CLSTN2: variants seen among roughly 807,000 people sequenced by gnomAD.
CLSTN2 encodes the protein calsyntenin 2, also known as calsyntenin-2.
A neutral mutation model predicts 101.2 loss-of-function variants in CLSTN2; 48 were observed. The ratio of observed to expected loss-of-function variants is 0.47; its 90% CI spans 0.38 to 0.60. CLSTN2 has a LOEUF of 0.60. Among genes scored for constraint, CLSTN2 ranks in the 20% least tolerant of loss-of-function variants. The pLI, the probability that CLSTN2 is intolerant of heterozygous loss-of-function variation, is 0.00. For synonymous variants in CLSTN2, 481 were observed against 463.6 expected (o/e 1.04, Z -0.48); for missense variants, 1,160 against 1,238.2 (o/e 0.94, Z 0.95).
At chr3:139,984,766 A>G (rs977043937) in intron 1 of CLSTN2, among the ~76,000 whole-genome samples, 19 of 152,160 alleles carry the variant, frequency 1.2e-4, no homozygotes, top group African/African-American at 4.1e-4. Context: ...CTATAAGATG[A>G]AAGTTTCCAA....
chr3:140,458,954 T>C (rs1933486621), intron 6 of CLSTN2, among the ~76,000 whole-genome samples: 1 of 152,214 alleles, frequency 6.6e-6, no homozygotes, highest in African/African-American at 2.4e-5. Context: ...TCAACAAATA[T>C]TTGTAAAAAA....
intron 2 of CLSTN2, among the ~76,000 whole-genome samples, chr3:140,361,360 A>G (rs1430248591): frequency 2.6e-5 from 4 of 152,208 alleles, no homozygotes; most frequent in South Asian, 2.1e-4. Context: ...TTAACAAAAA[A>G]TGTACAGCTA....
intron 1 of CLSTN2, among the ~76,000 whole-genome samples, chr3:140,026,209 G>C (rs1015985885): frequency 2.0e-5 from 3 of 152,224 alleles, no homozygotes; most frequent in Admixed American, 6.5e-5. Flanking sequence ...GACTATTAAA[G>C]TGTTTTCTGA....
At position 140,532,342 on chromosome 3, in the gene CLSTN2, C is replaced by A; in HGVS notation, c.1363C>A (p.His455Asn). 6.3e-7 allele frequency: 1 copy of A among 1,598,160 alleles called. No homozygotes were observed. Among genetic ancestry groups the A allele is most frequent in the Non-Finnish European group, 8.5e-7 (1 of 1,171,234 alleles). Reference sequence around the variant, plus strand: ...TTCTTAGATTTGTGACAAAGAGTGGCACTACTATGTCATCAATGTGGAGTT... The same window carrying A: ...TTCTTAGATTTGTGACAAAGAGTGGAACTACTATGTCATCAATGTGGAGTT... ...KLDQICDKEW[H>N]YYVINVEFPV... The change falls in exon 9 of 17, where the codon CAC (histidine) becomes AAC (asparagine). Residue 455 changes from histidine (H) to asparagine (N), a missense_variant. Coordinates refer to ENST00000458420, the MANE Select transcript of CLSTN2 (RefSeq NM_022131.3).
At chr3:140,563,855 G>A in intron 15 of CLSTN2, 106 bp from the exon 16 acceptor site, 1 of 1,125,826 alleles carries the variant, frequency 8.9e-7, no homozygotes, top group South Asian at 1.4e-5. Flanking sequence ...GCTGGGAAGT[G>A]GTAGGGCAGA....
At chr3:140,086,163 A>G (rs1031824053) in intron 1 of CLSTN2, among the ~76,000 whole-genome samples, 23 of 152,334 alleles carry the variant, frequency 1.5e-4, no homozygotes, top group African/African-American at 5.3e-4. Context: ...GATAATGCTA[A>G]CAGATTAGGT....
intron 2 of CLSTN2, among the ~76,000 whole-genome samples, chr3:140,201,844 T>C (rs988547472): frequency 3.3e-5 from 5 of 151,456 alleles, no homozygotes; most frequent in African/African-American, 1.2e-4. Context: ...GTATATATAA[T>C]GATATATAAT....
intron 2 of CLSTN2, among the ~76,000 whole-genome samples, chr3:140,228,038 C>A (rs1380904399): frequency 2.6e-5 from 4 of 152,226 alleles, no homozygotes; most frequent in Non-Finnish European, 4.4e-5. Context: ...TGGGGATTAA[C>A]ATTTGTCTCC....
intron 2 of CLSTN2, among the ~76,000 whole-genome samples, chr3:140,253,117 G>A (rs1361800748): frequency 6.6e-6 from 1 of 152,112 alleles, no homozygotes; most frequent in Admixed American, 6.5e-5. Flanking sequence ...GGTACACCAG[G>A]CAAAAGACAG....
At chr3:140,541,186 A>C (rs1018288284) in intron 9 of CLSTN2, among the ~76,000 whole-genome samples, 6 of 152,230 alleles carry the variant, frequency 3.9e-5, no homozygotes, top group Non-Finnish European at 7.3e-5. Flanking sequence ...TAGGAGTTTG[A>C]ATCTTGGCTT....
chr3:140,375,558 G>C (rs2087908164), intron 2 of CLSTN2, among the ~76,000 whole-genome samples: 3 of 152,094 alleles, frequency 2.0e-5, no homozygotes. Context: ...TATTCTTTTA[G>C]TATCCGCTTT....
intron 1 of CLSTN2, among the ~76,000 whole-genome samples, chr3:140,051,283 G>A (rs1472152347): frequency 1.3e-5 from 2 of 152,340 alleles, no homozygotes; most frequent in East Asian, 3.9e-4. Context: ...TGTGTAATTT[G>A]CACAAGTTTG....
chr3:140,471,702 G>T (rs1490295671), intron 8 of CLSTN2, among the ~76,000 whole-genome samples: 1 of 152,140 alleles, frequency 6.6e-6, no homozygotes, highest in Non-Finnish European at 1.5e-5. Flanking sequence ...GACAATACCT[G>T]GCTGGGTGAA....
chr3:139,977,126 A>G (rs1342530753), intron 1 of CLSTN2, among the ~76,000 whole-genome samples: 3 of 152,188 alleles, frequency 2.0e-5, no homozygotes, highest in African/African-American at 4.8e-5. Flanking sequence ...GCAGGTGAGA[A>G]TATGAGTCAG....
intron 11 of CLSTN2, chr3:140,557,077 C>T (rs1935812847): frequency 6.4e-6 from 1 of 156,544 alleles, no homozygotes; most frequent in African/African-American, 2.4e-5. Context: ...GTTCCTAAAT[C>T]CCTTAGGTAT....
intron 1 of CLSTN2, among the ~76,000 whole-genome samples, chr3:140,076,625 GTTTTT>G (rs35645750): frequency 5.3e-5 from 2 of 38,068 alleles, no homozygotes; most frequent in African/African-American, 2.2e-4. Context: ...CACCAGCAGT[GTTTTT>G]TTTTTTTTTT....
At chr3:139,965,674 C>A (rs17337386) in intron 1 of CLSTN2, among the ~76,000 whole-genome samples, 1 of 152,138 alleles carries the variant, frequency 6.6e-6, no homozygotes, top group Admixed American at 6.5e-5. Context: ...TGGCTCAGCC[C>A]TTTTCAGAAC....
intron 1 of CLSTN2, among the ~76,000 whole-genome samples, chr3:139,987,258 G>A (rs1351435555): frequency 1.3e-5 from 2 of 152,210 alleles, no homozygotes; most frequent in Admixed American, 1.3e-4. Flanking sequence ...TGCTTTTGCA[G>A]TATGTGTCAA....
At chr3:140,178,597 T>C (rs1401821084) in intron 2 of CLSTN2, among the ~76,000 whole-genome samples, 2 of 152,162 alleles carry the variant, frequency 1.3e-5, no homozygotes, top group East Asian at 3.8e-4. Flanking sequence ...GAGTAAAAAA[T>C]AAAGGTGGTT....
Sources: allele counts gnomAD v4.1 joint callset (sites outside exome capture counted in the v4.1 genomes callset), GRCh38; gene constraint gnomAD v4.1.1; transcripts MANE v1.5; gene names NCBI Gene and HGNC (gene_info 2026-07-23, HGNC 2026-07-21).